RBFOX1: variants seen among roughly 807,000 people sequenced by gnomAD.
RBFOX1 encodes the protein RNA binding protein fox-1 homolog 1.
A neutral mutation model predicts 57.7 loss-of-function variants in RBFOX1; 8 were observed. The ratio of observed to expected loss-of-function variants is 0.14; its 90% CI spans 0.08 to 0.25. The LOEUF (loss-of-function observed/expected upper bound fraction) is 0.25, where lower values mean the gene tolerates loss of function less well. Ranked by LOEUF, RBFOX1 falls within the 10% of genes least tolerant of loss-of-function variation. The pLI, the probability that RBFOX1 is intolerant of heterozygous loss-of-function variation, is 1.00. For missense variants in RBFOX1, 611 were observed against 548.5 expected (o/e 1.11, Z -1.14); for synonymous variants, 326 against 222.4 (o/e 1.47, Z -4.15).
rs138127927 is a variant in RBFOX1, at chr16:5,374,449, G to A, written c.220-92767G>A. Among the ~76,000 whole-genome samples the A allele has an allele frequency of 2.5e-4, 38 of 152,240 alleles. 1 individual carries two copies. In the East Asian group the frequency reaches 7.0e-3, roughly 28 times the overall value. On this transcript the variant is annotated intron_variant, in intron 1 of 2. Coordinates refer to the RBFOX1 transcript ENST00000585867. ...TTGTGGAGAGGAATTCCAGGAGGAG[G>A]GAGCCCTGTGAGAAAAGACATAAGA...
At position 7,017,011 on chromosome 16, in the gene RBFOX1, C is replaced by A. The variant is rs146469678; in HGVS notation, c.-15-35046C>A. ...ATTTCCTGGTTGAGCGACCCTCTTTCTTTCATGACTTTTGGCTTCATCCTT... is the reference window on the plus strand; with the variant it reads ...ATTTCCTGGTTGAGCGACCCTCTTTATTTCATGACTTTTGGCTTCATCCTT... On this transcript the variant is annotated intron_variant, in intron 3 of 15. Coordinates refer to ENST00000550418, the MANE Select transcript of RBFOX1 (RefSeq NM_018723.4). Among the ~76,000 whole-genome samples, 521 of 152,244 alleles carry A rather than the reference C, an allele frequency of 3.4e-3. 3 individuals are homozygous for A. The highest frequency in any genetic ancestry group is 0.012 in the African/African-American group (501 of 41,556).
chr16:6,853,609 G>C (rs1331030137), intron 3 of RBFOX1, among the ~76,000 whole-genome samples: 1 of 152,146 alleles, frequency 6.6e-6, no homozygotes, highest in African/African-American at 2.4e-5. Context: ...ACTGTATGAA[G>C]CAGTTTGATG....
At chr16:6,960,250 T>G (rs1271084711) in intron 3 of RBFOX1, among the ~76,000 whole-genome samples, 1 of 152,158 alleles carries the variant, frequency 6.6e-6, no homozygotes, top group Admixed American at 6.5e-5. Flanking sequence ...GTAAATTTAC[T>G]GAGGCTGCAG....
chr16:7,471,188 T>C (rs1216144230), intron 4 of RBFOX1, among the ~76,000 whole-genome samples: 1 of 152,216 alleles, frequency 6.6e-6, no homozygotes, highest in African/African-American at 2.4e-5. Context: ...TCTGCCATGC[T>C]CTTTTTTAAC....
At chr16:6,012,828 A>G (rs1264053098) in intron 4 of RBFOX1, among the ~76,000 whole-genome samples, 2 of 152,164 alleles carry the variant, frequency 1.3e-5, no homozygotes, top group African/African-American at 4.8e-5. Context: ...ATCCCATGAG[A>G]AAACATCTGG....
chr16:6,500,451 T>C (rs1005129051), intron 2 of RBFOX1, among the ~76,000 whole-genome samples: 1 of 152,134 alleles, frequency 6.6e-6, no homozygotes, highest in African/African-American at 2.4e-5. Flanking sequence ...GACTCCAAAT[T>C]GCAGCTCCAA....
intron 4 of RBFOX1, among the ~76,000 whole-genome samples, chr16:5,926,716 G>A (rs2058947773): frequency 6.6e-6 from 1 of 152,122 alleles, no homozygotes; most frequent in Admixed American, 6.5e-5. Flanking sequence ...TTACCCATTG[G>A]GTGGATTCAT....
chr16:5,524,481 T>C (rs972675894), intron 2 of RBFOX1, among the ~76,000 whole-genome samples: 37 of 152,244 alleles, frequency 2.4e-4, no homozygotes, highest in African/African-American at 8.7e-4. Context: ...GAATGATTTA[T>C]ATTCCTTTCG....
intron 3 of RBFOX1, among the ~76,000 whole-genome samples, chr16:6,748,409 C>G (rs901733835): frequency 6.6e-6 from 1 of 152,002 alleles, no homozygotes. Flanking sequence ...ACCTATAATC[C>G]CAACACTTTG....
chr16:6,913,411 C>T (rs989131350), intron 3 of RBFOX1, among the ~76,000 whole-genome samples: 7 of 152,106 alleles, frequency 4.6e-5, no homozygotes, highest in Admixed American at 2.6e-4. Context: ...CAAGCCACGG[C>T]ATTGTTTGAG....
At chr16:7,625,134 G>T (rs1481117456) in intron 10 of RBFOX1, among the ~76,000 whole-genome samples, 2 of 151,974 alleles carry the variant, frequency 1.3e-5, no homozygotes, top group African/African-American at 4.8e-5. Flanking sequence ...CAAAAAACCT[G>T]GCTCTCCCAC....
chr16:7,570,432 A>G (rs771767788), intron 5 of RBFOX1, among the ~76,000 whole-genome samples: 4 of 152,156 alleles, frequency 2.6e-5, no homozygotes, highest in East Asian at 1.9e-4. Flanking sequence ...TCTACTGACA[A>G]CTTCATGGTG....
chr16:5,663,334 AG>A lies in RBFOX1; in HGVS notation c.318+64374del, dbSNP rs2049719392. ...CAAGAGGTCTTTCCATTTCCCAGGT[AG>A]TTGAGACCACAGGCACATGCCACCA... is the stretch of plus-strand genomic sequence containing the variant. On this transcript the variant is annotated intron_variant, in intron 3 of 19. Transcript: ENST00000641259. Among the ~76,000 whole-genome samples the A allele has an allele frequency of 4.0e-5, 6 of 151,732 alleles. No homozygotes were observed. The South Asian group carries it at 1.2e-3, about 32-fold the overall frequency.
rs2076543753 is a variant in RBFOX1 at position 6,761,167 on chromosome 16, T to G, written c.-16+106517T>G. On this transcript the variant is annotated intron_variant, in intron 3 of 15. Transcript: ENST00000550418. Reference sequence around the variant, plus strand: ...GATGACTTTGATCAAATTGTAAATGTGAATCTGTACTTTATTTTAGAACTA... The same window carrying G: ...GATGACTTTGATCAAATTGTAAATGGGAATCTGTACTTTATTTTAGAACTA... 2.0e-5 allele frequency among the ~76,000 whole-genome samples: 3 copies of G among 152,276 alleles called. No individual in the cohort carries two copies. In the South Asian group the frequency reaches 6.2e-4, roughly 32 times the overall value.
intron 2 of RBFOX1, among the ~76,000 whole-genome samples, chr16:6,585,795 TTCTC>T (rs2097603472): frequency 6.6e-6 from 1 of 152,208 alleles, no homozygotes; most frequent in South Asian, 2.1e-4. Context: ...TCTTCTTTCT[TTCTC>T]TCCTCTTTGA....
chr16:7,647,546 GAA>G lies in RBFOX1; in HGVS notation c.758-6255_758-6254del, dbSNP rs1324879272. ...GTGAGTTAACTTGAAATTGAACTAG[GAA>G]AAAAAAAAAAAAAGCAAACTTGCAG... On this transcript the variant is annotated intron_variant, in intron 11 of 15. Coordinates refer to ENST00000550418, the MANE Select transcript of RBFOX1 (RefSeq NM_018723.4). Among the ~76,000 whole-genome samples, 865 of 87,970 alleles carry G rather than the reference GAA, an allele frequency of 9.8e-3. 8 individuals are homozygous for G. Among genetic ancestry groups the G allele is most frequent in the African/African-American group, 0.033 (833 of 25,496 alleles). 57.7% of individuals were successfully genotyped at this position (87,970 alleles called of 152,430 possible). A position where few individuals can be genotyped will look rare whatever the true frequency, so the allele number is the denominator to read the frequency against.
intron 4 of RBFOX1, among the ~76,000 whole-genome samples, chr16:7,299,992 A>C (rs755977306): frequency 6.6e-6 from 1 of 152,244 alleles, no homozygotes; most frequent in Non-Finnish European, 1.5e-5. Flanking sequence ...TGTGAGGCTT[A>C]TGCAATAAGA....
chr16:7,574,329 A>C (rs2093095383), intron 5 of RBFOX1, among the ~76,000 whole-genome samples: 4 of 152,238 alleles, frequency 2.6e-5, no homozygotes, highest in Admixed American at 2.6e-4. Flanking sequence ...AAGAACTAAT[A>C]AAATAGATGT....
chr16:6,377,712 G>T (rs548420064), intron 2 of RBFOX1, among the ~76,000 whole-genome samples: 1 of 152,184 alleles, frequency 6.6e-6, no homozygotes, highest in South Asian at 2.1e-4. Context: ...CTATTTAAAT[G>T]CAAATTTTGA....
Sources: allele counts gnomAD v4.1 joint callset (sites outside exome capture counted in the v4.1 genomes callset), GRCh38; gene constraint gnomAD v4.1.1; transcripts MANE v1.5; gene names NCBI Gene and HGNC (gene_info 2026-07-23, HGNC 2026-07-21).